The following ADGRA2 variants were observed in gnomAD, a reference collection of about 807,000 sequenced individuals.
ADGRA2 encodes adhesion G protein-coupled receptor A2, also known as G-protein coupled receptor 124.
Under a neutral mutation model 98.7 loss-of-function variants are expected in ADGRA2, and 61 were observed. That is an observed-to-expected ratio of 0.62 (90% CI 0.50 to 0.76). ADGRA2 has a LOEUF of 0.76. Ranked by LOEUF, ADGRA2 falls within the 30% of genes least tolerant of loss-of-function variation. The pLI, the probability that ADGRA2 is intolerant of heterozygous loss-of-function variation, is 0.00. For synonymous variants in ADGRA2, 858 were observed against 831.5 expected, an observed-to-expected ratio of 1.03 and a Z score of -0.55; for missense variants, 1,712 against 1,860.0, an observed-to-expected ratio of 0.92 and a Z score of 1.46.
intron 14 of ADGRA2, among the ~76,000 whole-genome samples, chr8:37,838,728 G>C (rs180929399): frequency 6.6e-6 from 1 of 152,192 alleles, no homozygotes; most frequent in Admixed American, 6.5e-5. Flanking sequence ...CTGAGGGTGT[G>C]AAGAGTCCTC....
chr8:37,833,198 C>T lies in ADGRA2; in HGVS notation c.1286C>T (p.Thr429Ile). 1 of 1,610,786 alleles carries T rather than the reference C, an allele frequency of 6.2e-7. No homozygotes were observed. Among genetic ancestry groups the T allele is most frequent in the Non-Finnish European group, 8.5e-7 (1 of 1,178,602 alleles). Residue 429 changes from threonine (T) to isoleucine (I), a missense_variant, in exon 9 of 19, where the codon ACC becomes ATC. Thr to Ile is a moderately conservative substitution (Grantham distance 89). Coordinates refer to ENST00000412232, the MANE Select transcript of ADGRA2 (RefSeq NM_032777.10). ...YTNDITRVLY[T>I]FVLMPINASN... The stretch of plus-strand genomic sequence containing the variant: ...AACGACATCACCAGGGTGCTGTACA[C>T]CTTCGTGCTGGTGAGGAGAGGCTAG...
intron 1 of ADGRA2, among the ~76,000 whole-genome samples, chr8:37,801,128 C>T (rs750449486): frequency 7.9e-5 from 12 of 152,218 alleles, no homozygotes; most frequent in Non-Finnish European, 1.8e-4. Context: ...CCATTTACCG[C>T]ATGGAAAGCC....
intron 16 of ADGRA2, 137 bp from the exon 17 acceptor site, chr8:37,839,984 A>C: frequency 1.3e-6 from 1 of 758,244 alleles, no homozygotes. Flanking sequence ...TGGCGAGTGT[A>C]TGGGGAGTGG....
chr8:37,832,828 G>A (rs1805493538), intron 8 of ADGRA2, among the ~76,000 whole-genome samples, 182 bp from the exon 9 acceptor site: 1 of 152,176 alleles, frequency 6.6e-6, no homozygotes, highest in Non-Finnish European at 1.5e-5. Context: ...CCTATCGCCT[G>A]TGATAGCCCG....
intron 1 of ADGRA2, among the ~76,000 whole-genome samples, chr8:37,811,971 C>T (rs114310914): frequency 0.013 from 2,027 of 151,786 alleles, 37 homozygotes; most frequent in African/African-American, 0.047. Flanking sequence ...TGCATGGTGA[C>T]GGGCACCTGT....
chr8:37,840,773 G>A lies in ADGRA2; in HGVS notation c.2671G>A (p.Ala891Thr), dbSNP rs142650653. 14 of 1,593,210 alleles carry A rather than the reference G, an allele frequency of 8.8e-6. No homozygotes were observed. In the African/African-American group the frequency reaches 9.4e-5, roughly 11 times the overall value. The change falls in exon 18 of 19, where the codon GCT becomes ACT. Residue 891 changes from alanine (A) to threonine (T), a missense_variant. Coordinates refer to ENST00000412232, the MANE Select transcript of ADGRA2 (RefSeq NM_032777.10). ...PSPMLRFYLIAGGIPLIICGI... is the reference protein window; with the variant it reads ...PSPMLRFYLITGGIPLIICGI... ...CATTCCCTCCAGGTTCTATTTGATC[G>A]CTGGAGGGATTCCACTCATTATCTG...
intron 2 of ADGRA2, among the ~76,000 whole-genome samples, chr8:37,818,022 C>CTAAA (rs1032292826): frequency 5.9e-5 from 9 of 152,090 alleles, no homozygotes; most frequent in South Asian, 2.1e-4. Flanking sequence ...GACTCCGTCT[C>CTAAA]TAAATAAATA....
rs1257803745 is a variant in ADGRA2, at chr8:37,797,152, C to A, written c.-117C>A. On this transcript the variant is annotated 5_prime_UTR_variant, in exon 1 of 19. Transcript: ENST00000412232. This position sits in a 1 kb window ranked among gnomAD's most constrained non-coding sequence, Gnocchi z 5.3. ...GGGCTCGCCTCCGCCCAGGGCCCCCCTCCACGCCCTCGGGAGCCCCGGGCC... is the reference window on the plus strand; with the variant it reads ...GGGCTCGCCTCCGCCCAGGGCCCCCATCCACGCCCTCGGGAGCCCCGGGCC... 1 of 798,866 alleles carries A rather than the reference C, an allele frequency of 1.3e-6. No homozygotes were observed. The highest frequency in any genetic ancestry group is 1.8e-5 in the African/African-American group (1 of 54,892). The allele number at this position is 798,866 out of a possible 1,614,324, so 49.5% of individuals were successfully genotyped here.
intron 1 of ADGRA2, among the ~76,000 whole-genome samples, chr8:37,806,450 C>T (rs1804661786): frequency 6.6e-6 from 1 of 151,864 alleles, no homozygotes; most frequent in Admixed American, 6.6e-5. Context: ...CTGGCACCAC[C>T]TCGGGTAGCT....
rs989166188 is a variant in ADGRA2, at chr8:37,830,536, C to T, written c.719-174C>T. On this transcript the variant is annotated intron_variant, in intron 6 of 18. Transcript: ENST00000412232. The surrounding 1 kb of genome is among the most constrained non-coding windows in gnomAD (Gnocchi z 4.8). ...TTTGTCCAAAAACCGCCTGTCCCTC[C>T]CCTTTACCCTTACCCCTAGAGACTT... is the stretch of plus-strand genomic sequence containing the variant. Among the ~76,000 whole-genome samples the T allele has an allele frequency of 6.6e-6, 1 of 152,210 alleles. No homozygotes were observed. Among genetic ancestry groups the T allele is most frequent in the African/African-American group, 2.4e-5 (1 of 41,460 alleles).
intron 2 of ADGRA2, among the ~76,000 whole-genome samples, chr8:37,825,152 G>C (rs1805231556): frequency 1.3e-5 from 2 of 152,172 alleles, no homozygotes; most frequent in South Asian, 4.1e-4. Context: ...CAAGGACAGG[G>C]CTCTGTGGAA....
At position 37,844,823 on chromosome 8, in the gene ADGRA2, G is replaced by T. The variant is rs964812458; in HGVS notation, c.*2468G>T. On this transcript the variant is annotated 3_prime_UTR_variant, in exon 19 of 19. Transcript: ENST00000412232. ...CTGCTGTCCCATCCCGAAAGGCAGA[G>T]CGGACCAGTGACTGGCGGTGCTGGA... is the stretch of plus-strand genomic sequence containing the variant. The T allele has an allele frequency of 1.2e-6, 2 of 1,614,136 alleles. No individual in the cohort carries two copies. The highest frequency in any genetic ancestry group is 1.3e-5 in the African/African-American group (1 of 75,048).
intron 1 of ADGRA2, among the ~76,000 whole-genome samples, chr8:37,811,385 T>C (rs1804827842): frequency 6.6e-6 from 1 of 150,574 alleles, no homozygotes; most frequent in Non-Finnish European, 1.5e-5. Context: ...TTGGCCAGGC[T>C]GGTCTCCAAC....
chr8:37,828,353 A>G (rs961340778), intron 2 of ADGRA2, among the ~76,000 whole-genome samples: 16 of 152,040 alleles, frequency 1.1e-4, no homozygotes, highest in Non-Finnish European at 1.9e-4. Context: ...CCAATCCAGG[A>G]CGCTCTCCAT....
chr8:37,841,195 C>G lies in ADGRA2; in HGVS notation c.2857C>G (p.Pro953Ala). ...GTGCGCCGGGCTACGCTTACGGGGT[C>G]CTCTGGCACAGAACCCCAAGGCGGG... ...FLCAGLRLRGPLAQNPKAGNS... is the reference protein window; with the variant it reads ...FLCAGLRLRGALAQNPKAGNS... Residue 953 changes from proline (P) to alanine (A), a missense_variant, in exon 19 of 19, where the codon CCT becomes GCT. Physicochemically the swap from Pro to Ala is conservative, Grantham distance 27. Transcript: ENST00000412232. The surrounding 1 kb of genome is among the most constrained non-coding windows in gnomAD (Gnocchi z 5.0). 6.2e-7 allele frequency: 1 copy of G among 1,613,496 alleles called. No individual in the cohort carries two copies. The highest frequency in any genetic ancestry group is 8.5e-7 in the Non-Finnish European group (1 of 1,179,974).
intron 2 of ADGRA2, among the ~76,000 whole-genome samples, chr8:37,819,557 C>T (rs62490687): frequency 0.017 from 2,533 of 152,114 alleles, 30 homozygotes; most frequent in South Asian, 0.029. Flanking sequence ...TTAGTAGAGA[C>T]GGTGTTTCAT....
At position 37,830,946 on chromosome 8, in the gene ADGRA2, T is replaced by A; in HGVS notation, c.932+23T>A. The stretch of plus-strand genomic sequence containing the variant: ...CAGGTATGAGCCCCGCTGCCCCTCC[T>A]CAGGCCTCAGCATGGGGTTAGGGGA... On this transcript the variant is annotated intron_variant, in intron 7 of 18. Coordinates refer to ENST00000412232, the MANE Select transcript of ADGRA2 (RefSeq NM_032777.10). The surrounding 1 kb of genome is among the most constrained non-coding windows in gnomAD (Gnocchi z 4.8). 9 of 1,531,980 alleles carry A rather than the reference T, an allele frequency of 5.9e-6. No individual in the cohort carries two copies. The highest frequency in any genetic ancestry group is 8.0e-6 in the Non-Finnish European group (9 of 1,130,900). 94.9% of individuals were successfully genotyped at this position (1,531,980 alleles called of 1,614,324 possible). A position where few individuals can be genotyped will look rare whatever the true frequency, so the allele number is the denominator to read the frequency against.
chr8:37,807,318 G>A (rs994860639), intron 1 of ADGRA2, among the ~76,000 whole-genome samples: 2 of 152,206 alleles, frequency 1.3e-5, no homozygotes, highest in Admixed American at 6.5e-5. Context: ...CCAGCCTTTC[G>A]CTTGAGGTTG....
At position 37,797,770 on chromosome 8, in the gene ADGRA2, C is replaced by G. The variant is rs1250476710; in HGVS notation, c.266+236C>G. Among the ~76,000 whole-genome samples, 1 of 152,196 alleles carries G rather than the reference C, an allele frequency of 6.6e-6. No individual in the cohort carries two copies. Among genetic ancestry groups the G allele is most frequent in the African/African-American group, 2.4e-5 (1 of 41,464 alleles). On this transcript the variant is annotated intron_variant, in intron 1 of 18. Coordinates refer to ENST00000412232, the MANE Select transcript of ADGRA2 (RefSeq NM_032777.10). This position sits in a 1 kb window ranked among gnomAD's most constrained non-coding sequence, Gnocchi z 5.3. ...GACAGGCGCACCCCAGAGAAAGGCA[C>G]CGCAGGCGCCCACTCACCTGCACAG...
Sources: allele counts gnomAD v4.1 joint callset (sites outside exome capture counted in the v4.1 genomes callset), GRCh38; gene constraint gnomAD v4.1.1; non-coding constraint Gnocchi (gnomAD v3.1); transcripts MANE v1.5; gene names NCBI Gene and HGNC (gene_info 2026-07-23, HGNC 2026-07-21).